STK32C: variants seen among roughly 807,000 people sequenced by gnomAD.
STK32C encodes the protein serine/threonine kinase 32C, also known as serine/threonine-protein kinase 32C.
STK32C carries 31 observed loss-of-function variants against 56.5 expected under a neutral mutation model. The observed-to-expected ratio is 0.55, with a 90% CI of 0.41 to 0.74. The LOEUF is 0.74. Ranked by LOEUF, STK32C falls within the 30% of genes least tolerant of loss-of-function variation. The probability of loss-of-function intolerance (pLI) is 0.00; values close to 1 mark genes in which losing one functional copy is unlikely to be tolerated. For synonymous variants in STK32C, 309 were observed against 289.4 expected, an observed-to-expected ratio of 1.07 and a Z score of -0.69; for missense variants, 544 against 676.9, an observed-to-expected ratio of 0.80 and a Z score of 2.18.
chr10:132,299,536 G>A (rs1272425509), intron 1 of STK32C, among the ~76,000 whole-genome samples: 3 of 152,254 alleles, frequency 2.0e-5, no homozygotes, highest in South Asian at 4.1e-4. Context: ...AGACCCCTGG[G>A]GAGGTTTGCA....
At chr10:132,264,987 G>A (rs2064450639) in intron 1 of STK32C, among the ~76,000 whole-genome samples, 1 of 152,000 alleles carries the variant, frequency 6.6e-6, no homozygotes, top group Non-Finnish European at 1.5e-5. Flanking sequence ...GATGTCAGAG[G>A]ATTCAGGACA....
At chr10:132,246,039 C>A in intron 1 of STK32C, 84 bp from the exon 2 acceptor site, 1 of 1,323,446 alleles carries the variant, frequency 7.6e-7, no homozygotes, top group Non-Finnish European at 1.1e-6. Flanking sequence ...ACATCCCCCA[C>A]CCCGACACTG....
intron 1 of STK32C, among the ~76,000 whole-genome samples, chr10:132,306,588 T>G (rs2066071338): frequency 6.6e-6 from 1 of 152,236 alleles, no homozygotes; most frequent in Non-Finnish European, 1.5e-5. Context: ...AATGCTTAAA[T>G]TATTTATCGC....
At chr10:132,265,962 T>C (rs1381022725) in intron 1 of STK32C, among the ~76,000 whole-genome samples, 2 of 152,198 alleles carry the variant, frequency 1.3e-5, no homozygotes, top group Admixed American at 6.5e-5. Context: ...AACATACACT[T>C]GCTGTGCCAC....
Position 132,313,387 on chromosome 10 carries a change from C to T in STK32C, c.301+18049G>A, listed in dbSNP as rs118169187. 2.3e-3 allele frequency among the ~76,000 whole-genome samples: 345 copies of T among 152,362 alleles called. 2 individuals are homozygous for T. Among genetic ancestry groups the T allele is most frequent in the South Asian group, 0.018 (89 of 4,834 alleles). On this transcript the variant is annotated intron_variant, in intron 1 of 3. Coordinates refer to the STK32C transcript ENST00000368620. ...TAAGGCTAAAAAGGACCCTTCCACA[C>T]GGGCCACACGACAGACATTTGCCAA...
chr10:132,227,602 G>A (rs1052060105), intron 3 of STK32C, among the ~76,000 whole-genome samples: 1 of 146,442 alleles, frequency 6.8e-6, no homozygotes, highest in Non-Finnish European at 1.5e-5. Context: ...GATGGTGGTG[G>A]TGATGGCGAT....
At chr10:132,213,457 A>C (rs2062378063) in intron 10 of STK32C, among the ~76,000 whole-genome samples, 2 of 152,252 alleles carry the variant, frequency 1.3e-5, no homozygotes, top group South Asian at 4.1e-4. Context: ...CAACCCGGGA[A>C]ATGAAAACAA....
At position 132,270,784 on chromosome 10, in the gene STK32C, G is replaced by C. The variant is rs190539913; in HGVS notation, c.263-24829C>G. ...AGCCCTGCACATCACCCTGGACTCA[G>C]AGCTCCATCCTGGCCACGGTGAGGC... On this transcript the variant is annotated intron_variant, in intron 1 of 11. Coordinates refer to ENST00000298630, the MANE Select transcript of STK32C (RefSeq NM_173575.4). Among the ~76,000 whole-genome samples, 664 of 152,320 alleles carry C rather than the reference G, an allele frequency of 4.4e-3. 24 individuals carry two copies. In the South Asian group the frequency reaches 0.089, roughly 20 times the overall value.
chr10:132,219,937 G>A (rs565036214), intron 10 of STK32C, among the ~76,000 whole-genome samples: 1 of 151,856 alleles, frequency 6.6e-6, no homozygotes, highest in African/African-American at 2.4e-5. Flanking sequence ...GCAGACTCAG[G>A]GGCAAGGGGA....
intron 2 of STK32C, among the ~76,000 whole-genome samples, chr10:132,230,764 C>A (rs2063073569): frequency 6.6e-6 from 1 of 151,652 alleles, no homozygotes; most frequent in Admixed American, 6.6e-5. Flanking sequence ...CGGTCCCAAG[C>A]CTCAGGCTTT....
intron 10 of STK32C, among the ~76,000 whole-genome samples, chr10:132,217,015 G>A (rs1198921166): frequency 6.6e-6 from 1 of 152,102 alleles, no homozygotes; most frequent in South Asian, 2.1e-4. Context: ...ACACTGCCTA[G>A]TGGAGCTCTG....
intron 1 of STK32C, chr10:132,249,094 A>G: frequency 4.2e-6 from 2 of 476,378 alleles, no homozygotes; most frequent in Non-Finnish European, 8.4e-6. Flanking sequence ...GCTGGGAGGC[A>G]GCAGCAAGGC....
At position 132,219,277 on chromosome 10, in the gene STK32C, T is replaced by G. The variant is rs546730839; in HGVS notation, c.1251+3364A>C. 2.2e-4 allele frequency among the ~76,000 whole-genome samples: 34 copies of G among 152,300 alleles called. No individual in the cohort carries two copies. The South Asian group carries it at 4.8e-3, about 21-fold the overall frequency. ...GCCTCAAGGTTAACAGTGGGACTTT[T>G]TTTTTGGAGTGATGCTTTCCTTTCA... On this transcript the variant is annotated intron_variant, in intron 10 of 11. Coordinates refer to ENST00000298630, the MANE Select transcript of STK32C (RefSeq NM_173575.4).
At chr10:132,325,808 G>A (rs2066488486) in intron 1 of STK32C, among the ~76,000 whole-genome samples, 1 of 148,042 alleles carries the variant, frequency 6.8e-6, no homozygotes, top group African/African-American at 2.5e-5. Flanking sequence ...TGCAAGCTCC[G>A]CCTCCCGGGT....
intron 1 of STK32C, among the ~76,000 whole-genome samples, chr10:132,265,607 T>C (rs1296960044): frequency 6.6e-6 from 1 of 152,150 alleles, no homozygotes; most frequent in Non-Finnish European, 1.5e-5. Flanking sequence ...ACAATGTCTT[T>C]CCTTCCTGCT....
At chr10:132,232,367 G>A (rs562527076) in intron 2 of STK32C, among the ~76,000 whole-genome samples, 27 of 152,278 alleles carry the variant, frequency 1.8e-4, no homozygotes, top group African/African-American at 5.3e-4. Flanking sequence ...GGGCGGGTCC[G>A]GCAGGCTCCC....
chr10:132,323,223 A>G (rs1385102305), downstream of STK32C, among the ~76,000 whole-genome samples: 4 of 152,074 alleles, frequency 2.6e-5, no homozygotes, highest in East Asian at 3.9e-4. This position sits in a 1 kb window ranked among gnomAD's most constrained non-coding sequence, Gnocchi z 4.8. Context: ...CACCAAATCA[A>G]TTTCTCCTTG....
intron 10 of STK32C, among the ~76,000 whole-genome samples, chr10:132,217,391 GC>G (rs1268035509): frequency 2.0e-5 from 3 of 152,206 alleles, no homozygotes; most frequent in African/African-American, 7.2e-5. Flanking sequence ...GAAGTCACTT[GC>G]TTTTGATTTT....
intron 1 of STK32C, among the ~76,000 whole-genome samples, chr10:132,326,482 C>G (rs1324490693): frequency 1.3e-5 from 2 of 152,190 alleles, no homozygotes; most frequent in East Asian, 3.8e-4. Context: ...TGGGTGCACG[C>G]CTGGCTAATT....
Sources: gnomAD v4.1 joint callset for allele counts (sites outside exome capture counted in the v4.1 genomes callset) on GRCh38, gnomAD v4.1.1 for gene constraint, Gnocchi (gnomAD v3.1) non-coding constraint, MANE v1.5 for transcripts, NCBI Gene and HGNC (gene_info 2026-07-23, HGNC 2026-07-21) for gene names.